The following MORC2 variants were observed in gnomAD, a reference collection of about 807,000 sequenced individuals.
The protein encoded by MORC2 is MORC family CW-type zinc finger 2.
A neutral mutation model predicts 136.0 loss-of-function variants in MORC2; 30 were observed. The ratio of observed to expected loss-of-function variants is 0.22; its 90% CI spans 0.17 to 0.30. The LOEUF (loss-of-function observed/expected upper bound fraction) is 0.30. Ranked by LOEUF, MORC2 falls within the 10% of genes least tolerant of loss-of-function variation. The pLI, the probability that MORC2 is intolerant of heterozygous loss-of-function variation, is 1.00. For missense variants in MORC2, 922 were observed against 1,333.1 expected, an observed-to-expected ratio of 0.69 and a Z score of 4.80; for synonymous variants, 439 against 487.0, an observed-to-expected ratio of 0.90 and a Z score of 1.30.
intron 24 of MORC2, among the ~76,000 whole-genome samples, chr22:30,930,531 T>C (rs1300960573): frequency 2.0e-5 from 3 of 152,204 alleles, no homozygotes; most frequent in Non-Finnish European, 4.4e-5. Context: ...CTGGTCTCTG[T>C]CACTGACCAA....
Position 30,932,202 on chromosome 22 carries a change from T to G in MORC2, c.2841+157A>C. On this transcript the variant is annotated intron_variant, in intron 24 of 25. Coordinates refer to ENST00000397641, the MANE Select transcript of MORC2 (RefSeq NM_001303256.3). This position sits in a 1 kb window ranked among gnomAD's most constrained non-coding sequence, Gnocchi z 4.4. The stretch of plus-strand genomic sequence containing the variant: ...TTTTCCCACATCATAAACTCTCCTC[T>G]TCTTTCAGCAGGAGAGAGGCTGGCT... 1 of 739,108 alleles carries G rather than the reference T, an allele frequency of 1.4e-6. No homozygotes were observed. Among genetic ancestry groups the G allele is most frequent in the Non-Finnish European group, 2.2e-6 (1 of 450,498 alleles). 45.8% of individuals were successfully genotyped at this position (739,108 alleles called of 1,614,324 possible). A position where few individuals can be genotyped will look rare whatever the true frequency, so the allele number is the denominator to read the frequency against.
At chr22:30,936,097 T>A (rs772995330) in intron 17 of MORC2, among the ~76,000 whole-genome samples, 3 of 152,336 alleles carry the variant, frequency 2.0e-5, no homozygotes, top group Non-Finnish European at 4.4e-5. Context: ...TGTGTATGTA[T>A]TAATATAAAA....
At chr22:30,957,380 T>TA (rs2147305252) in intron 2 of MORC2, among the ~76,000 whole-genome samples, 1 of 152,312 alleles carries the variant, frequency 6.6e-6, no homozygotes, top group Admixed American at 6.5e-5. Context: ...GCTGAAATCA[T>TA]ACAGATTCAG....
At chr22:30,927,895 G>A in intron 25 of MORC2, 124 bp downstream of exon 25, 1 of 1,206,856 alleles carries the variant, frequency 8.3e-7, no homozygotes, top group Non-Finnish European at 1.2e-6. Flanking sequence ...GTGCTGTGCA[G>A]CCAGGGTGAG....
chr22:30,952,523 G>A (rs1455711893), intron 3 of MORC2, among the ~76,000 whole-genome samples: 2 of 152,202 alleles, frequency 1.3e-5, no homozygotes, highest in Non-Finnish European at 2.9e-5. Flanking sequence ...GTAGTTTAAA[G>A]GGTAAGAGAT....
chr22:30,948,424 C>T (rs773721198), intron 5 of MORC2, among the ~76,000 whole-genome samples: 4 of 152,154 alleles, frequency 2.6e-5, no homozygotes, highest in Non-Finnish European at 5.9e-5. Context: ...ATTCCTAGCC[C>T]CTACCCAGAT....
At chr22:30,927,872 CCCT>C in intron 25 of MORC2, 144 bp downstream of exon 25, 1 of 954,418 alleles carries the variant, frequency 1.0e-6, no homozygotes, top group South Asian at 1.7e-5. Flanking sequence ...CCATCTCAAG[CCCT>C]CCTGCCAGGG....
rs140431849 is a variant in MORC2 at position 30,933,219 on chromosome 22, G to A, written c.2381-189C>T. On this transcript the variant is annotated intron_variant, in intron 21 of 25. Coordinates refer to ENST00000397641, the MANE Select transcript of MORC2 (RefSeq NM_001303256.3). Reference sequence around the variant, plus strand: ...GTCTCCTTCCCCATCTGCTATGAGGGTGCCAAAAAGCAGGAGAACAAGTGA... The same window carrying A: ...GTCTCCTTCCCCATCTGCTATGAGGATGCCAAAAAGCAGGAGAACAAGTGA... 5.8e-3 allele frequency among the ~76,000 whole-genome samples: 888 copies of A among 152,220 alleles called. 9 individuals are homozygous for A. The highest frequency in any genetic ancestry group is 0.02 in the African/African-American group (849 of 41,518).
chr22:30,940,903 A>G (rs751618765), intron 9 of MORC2, 66 bp from the exon 10 acceptor site: 1 of 1,343,848 alleles, frequency 7.4e-7, no homozygotes, highest in Non-Finnish European at 1.1e-6. Context: ...ACCCAAGCAC[A>G]GGAAGCACCC....
At chr22:30,931,965 G>A (rs1341999309) in intron 24 of MORC2, among the ~76,000 whole-genome samples, 1 of 152,222 alleles carries the variant, frequency 6.6e-6, no homozygotes, top group East Asian at 1.9e-4. Flanking sequence ...ACCTCCTTCT[G>A]AGAGTCAAGT....
Position 30,933,510 on chromosome 22 carries a change from C to G in MORC2, c.2336G>C (p.Ser779Thr). Residue 779 changes from serine (S) to threonine (T), a missense_variant, in exon 21 of 26, where the codon AGT (serine) becomes ACT (threonine). This residue lies in a region of MORC2 where 263 missense variants were observed against 388.3 expected (regional missense o/e 0.68). Coordinates refer to ENST00000397641, the MANE Select transcript of MORC2 (RefSeq NM_001303256.3). ...EKKDSNELSD[S>T]AGEEDSADLK... is the part of the protein sequence containing the mutation. Reference sequence around the variant, plus strand: ...GTCAGCCGAGTCCTCTTCCCCAGCACTGTCTGAGAGCTGCGTGGAGAGCAG... The same window carrying G: ...GTCAGCCGAGTCCTCTTCCCCAGCAGTGTCTGAGAGCTGCGTGGAGAGCAG... 2 of 1,613,930 alleles carry G rather than the reference C, an allele frequency of 1.2e-6. No homozygotes were observed. The highest frequency in any genetic ancestry group is 1.7e-6 in the Non-Finnish European group (2 of 1,179,978).
chr22:30,945,246 TC>T (rs2040798982), intron 6 of MORC2, among the ~76,000 whole-genome samples: 1 of 152,150 alleles, frequency 6.6e-6, no homozygotes, highest in African/African-American at 2.4e-5. Context: ...GCCACGCTTC[TC>T]TCACTCAAGT....
intron 1 of MORC2, among the ~76,000 whole-genome samples, chr22:30,964,176 T>A (rs2041090713): frequency 6.6e-6 from 1 of 152,010 alleles, no homozygotes; most frequent in Non-Finnish European, 1.5e-5. Context: ...GCTAACACGG[T>A]GAAACCCCAT....
At chr22:30,927,970 CCT>C (rs1233363456) in intron 25 of MORC2, 47 bp downstream of exon 25, 2 of 1,605,758 alleles carry the variant, frequency 1.2e-6, no homozygotes, top group Non-Finnish European at 1.7e-6. Flanking sequence ...GGCCCCCCTC[CCT>C]GAGAGACCAG....
At chr22:30,963,659 T>C (rs543537431) in intron 1 of MORC2, among the ~76,000 whole-genome samples, 1 of 152,348 alleles carries the variant, frequency 6.6e-6, no homozygotes, top group African/African-American at 2.4e-5. Context: ...GTGCTGGGAT[T>C]ACAGGCATGA....
At chr22:30,959,392 T>C (rs1354037805) in intron 1 of MORC2, among the ~76,000 whole-genome samples, 2 of 152,240 alleles carry the variant, frequency 1.3e-5, no homozygotes, top group Non-Finnish European at 2.9e-5. Context: ...TTAGCCAAAA[T>C]CTGAGAAAGT....
chr22:30,940,862 A>G, intron 9 of MORC2, 25 bp from the exon 10 acceptor site: 1 of 1,605,432 alleles, frequency 6.2e-7, no homozygotes. Flanking sequence ...AAGCAAGCTG[A>G]TGGCCCACGC....
Position 30,952,712 on chromosome 22 carries a change from C to T in MORC2, c.158-2267G>A, listed in dbSNP as rs145248800. On this transcript the variant is annotated intron_variant, in intron 3 of 25. Transcript: ENST00000397641. ...TCTTCACCTTGTTCAAATGCTTATGCCAATCACTTGTTTATTTAATGACTA... is the reference window on the plus strand; with the variant it reads ...TCTTCACCTTGTTCAAATGCTTATGTCAATCACTTGTTTATTTAATGACTA... 3.0e-4 allele frequency among the ~76,000 whole-genome samples: 45 copies of T among 152,300 alleles called. 1 individual carries two copies. The highest frequency in any genetic ancestry group is 1.1e-3 in the African/African-American group (44 of 41,560).
In MORC2 at chr22:30,932,158, T is replaced by C. The variant is rs552885505; in HGVS notation, c.2841+201A>G. On this transcript the variant is annotated intron_variant, in intron 24 of 25. Transcript: ENST00000397641. The surrounding 1 kb of genome is among the most constrained non-coding windows in gnomAD (Gnocchi z 4.4). Reference sequence around the variant, plus strand: ...GTTGGCTTTCTGCACACCAGAGTCATATCCAGCTAAGCCAATTTTTTTCCC... The same window carrying C: ...GTTGGCTTTCTGCACACCAGAGTCACATCCAGCTAAGCCAATTTTTTTCCC... 8.4e-5 allele frequency: 47 copies of C among 562,220 alleles called. No homozygotes were observed. Among genetic ancestry groups the C allele is most frequent in the Admixed American group, 2.3e-4 (7 of 30,772 alleles). 34.8% of individuals were successfully genotyped at this position (562,220 alleles called of 1,614,324 possible).
Sources: gnomAD v4.1 joint callset for allele counts (sites outside exome capture counted in the v4.1 genomes callset) on GRCh38, gnomAD v4.1.1 for gene constraint, gnomAD v4.1.1 regional missense constraint, Gnocchi (gnomAD v3.1) non-coding constraint, MANE v1.5 for transcripts, NCBI Gene and HGNC (gene_info 2026-07-23, HGNC 2026-07-21) for gene names.